ATG2A: variants seen among roughly 807,000 people sequenced by gnomAD.
The protein encoded by ATG2A is autophagy related 2A, also known as autophagy-related protein 2 homolog A.
ATG2A carries 103 observed loss-of-function variants against 214.2 expected under a neutral mutation model. The ratio of observed to expected loss-of-function variants is 0.48; its 90% CI spans 0.41 to 0.57. The LOEUF (loss-of-function observed/expected upper bound fraction) is 0.57, where lower values mean the gene tolerates loss of function less well. ATG2A is among the 20% of genes least tolerant of loss of function. The pLI, the probability that ATG2A is intolerant of heterozygous loss-of-function variation, is 0.00. For missense variants in ATG2A, 2,312 were observed against 2,613.2 expected, an observed-to-expected ratio of 0.88 and a Z score of 2.51; for synonymous variants, 1,160 against 1,142.1, an observed-to-expected ratio of 1.02 and a Z score of -0.32.
chr11:64,895,174 C>T lies in ATG2A; in HGVS notation c.5616G>A (p.Val1872=). 1.2e-6 allele frequency: 2 copies of T among 1,613,078 alleles called. No homozygotes were observed. The highest frequency in any genetic ancestry group is 1.7e-6 in the Non-Finnish European group (2 of 1,179,602). The change falls in exon 41 of 41, where the codon GTG becomes GTA. Residue 1872 remains valine (V), a synonymous_variant. Coordinates refer to ENST00000377264, the MANE Select transcript of ATG2A (RefSeq NM_015104.3). The surrounding 1 kb of genome is among the most constrained non-coding windows in gnomAD (Gnocchi z 5.0). ...CCTTCTGCTCATGGCCCCGCGATGC[C>T]ACGTCACAGATGGTCTGAGCTGTAT... The part of the protein sequence containing the change: ...ILDTAQTICD[V]ASRGHEQKGL...
At position 64,913,609 on chromosome 11, in the gene ATG2A, T is replaced by C; in HGVS notation, c.591-208A>G. 11 of 829,902 alleles carry C rather than the reference T, an allele frequency of 1.3e-5. No homozygotes were observed. Among genetic ancestry groups the C allele is most frequent in the Non-Finnish European group, 2.0e-5 (11 of 546,150 alleles). 51.4% of individuals were successfully genotyped at this position (829,902 alleles called of 1,614,324 possible). A position where few individuals can be genotyped will look rare whatever the true frequency, so the allele number is the denominator to read the frequency against. On this transcript the variant is annotated intron_variant, in intron 4 of 40. Coordinates refer to ENST00000377264, the MANE Select transcript of ATG2A (RefSeq NM_015104.3). This position sits in a 1 kb window ranked among gnomAD's most constrained non-coding sequence, Gnocchi z 4.3. ...AGACCCTCAGCATCTAACTTGGTTC[T>C]TGGGGCCTCGGCCACTCTGGGCCTG...
At chr11:64,916,606 C>A (rs931161167) in intron 1 of ATG2A, among the ~76,000 whole-genome samples, 11 of 152,132 alleles carry the variant, frequency 7.2e-5, no homozygotes, top group African/African-American at 2.4e-4. Flanking sequence ...TGTCACTGCC[C>A]TGGCCCAGCT....
In ATG2A at chr11:64,894,762, C is replaced by T. The variant is rs552312911; in HGVS notation, c.*211G>A. ...GGTCGGGGGAGGGGCAGTGTCCTTT[C>T]TCCCCGGAGGAAAAGTGCAGAGCCA... is the stretch of plus-strand genomic sequence containing the variant. On this transcript the variant is annotated 3_prime_UTR_variant, in exon 41 of 41. Coordinates refer to ENST00000377264, the MANE Select transcript of ATG2A (RefSeq NM_015104.3). The T allele has an allele frequency of 1.4e-6, 1 of 728,394 alleles. No homozygotes were observed. Among genetic ancestry groups the T allele is most frequent in the Admixed American group, 2.0e-5 (1 of 50,370 alleles). The allele number at this position is 728,394 out of a possible 1,614,324, so 45.1% of individuals were successfully genotyped here.
chr11:64,915,378 C>T (rs527950690), intron 1 of ATG2A, among the ~76,000 whole-genome samples: 1 of 152,284 alleles, frequency 6.6e-6, no homozygotes, highest in South Asian at 2.1e-4. Context: ...GTCCAAATTC[C>T]TCACCCAGAG....
At chr11:64,899,879 AAC>A (rs1565743005) in intron 31 of ATG2A, among the ~76,000 whole-genome samples, 1 of 147,414 alleles carries the variant, frequency 6.8e-6, no homozygotes, top group Non-Finnish European at 1.5e-5. Flanking sequence ...TTTTTTTTGA[AAC>A]AGAGTCTTAC....
chr11:64,900,612 G>A lies in ATG2A; in HGVS notation c.4346C>T (p.Ser1449Leu), dbSNP rs745429233. ...HPGHRARTGLSGPRSSPSRCS... is the reference protein window; with the variant it reads ...HPGHRARTGLLGPRSSPSRCS... ...GCGGGAAGGGGAGCTCCTGGGACCT[G>A]AGAGGCCAGTTCTTGCCCTGGGAAG... Residue 1449 changes from serine to leucine, a missense_variant, in exon 31 of 41, where the codon TCA becomes TTA. Transcript: ENST00000377264. The A allele has an allele frequency of 2.4e-5, 39 of 1,609,792 alleles. No individual in the cohort carries two copies. Among genetic ancestry groups the A allele is most frequent in the Non-Finnish European group, 3.3e-5 (39 of 1,178,046 alleles).
rs1944664735 is a variant in ATG2A at position 64,909,134 on chromosome 11, TCA to T, written c.2219_2220del (p.Val740GlufsTer28). On this transcript the variant is annotated frameshift_variant, in exon 16 of 41. Coordinates refer to ENST00000377264, the MANE Select transcript of ATG2A (RefSeq NM_015104.3). LOFTEE classifies it high-confidence loss of function. Reference protein sequence around the residue: ...KYFLPQVVVTVNPQSSSTQWE... With the variant: ...KYFLPQVVVTXNPQSSSTQWE... Reference sequence around the variant, plus strand: ...CACTGTGTGCTGCTGGACTGGGGGTTCACAGTCACCACTACCCTGCCGGGGCA... The same window carrying T: ...CACTGTGTGCTGCTGGACTGGGGGTTCAGTCACCACTACCCTGCCGGGGCA... The T allele has an allele frequency of 6.2e-7, 1 of 1,610,798 alleles. No individual in the cohort carries two copies. Among genetic ancestry groups the T allele is most frequent in the Non-Finnish European group, 8.5e-7 (1 of 1,178,768 alleles).
chr11:64,901,849 C>T lies in ATG2A; in HGVS notation c.4119+113G>A, dbSNP rs147177546. ...GGTGATGGCAACCACCTCCTGCCTG[C>T]TTCTCTCACCACGGGAGCTCCAGAT... On this transcript the variant is annotated intron_variant, in intron 29 of 40. Transcript: ENST00000377264. The T allele has an allele frequency of 2.5e-3, 3,105 of 1,263,654 alleles. 7 individuals carry two copies. The highest frequency in any genetic ancestry group is 3.1e-3 in the Non-Finnish European group (2,811 of 902,054). 78.3% of individuals were successfully genotyped at this position (1,263,654 alleles called of 1,614,324 possible).
At position 64,909,296 on chromosome 11, in the gene ATG2A, T is replaced by C. The variant is rs751813258; in HGVS notation, c.2179A>G (p.Thr727Ala). 1 of 1,613,686 alleles carries C rather than the reference T, an allele frequency of 6.2e-7. No homozygotes were observed. The highest frequency in any genetic ancestry group is 1.7e-4 in the Middle Eastern group (1 of 6,036). ...TGGGGCAGGAAGTACTTGCGCCCAG[T>C]GCTCTTGGGGTCCAGGGCTTTGGAG... ...RVSKALDPKS[T>A]GRKYFLPQVV... Residue 727 changes from threonine (T) to alanine (A), a missense_variant, in exon 15 of 41, where the codon ACT (threonine) becomes GCT (alanine). Thr to Ala is a moderately conservative substitution (Grantham distance 58). Transcript: ENST00000377264.
At chr11:64,911,425 T>A (rs917235778) in intron 9 of ATG2A, 150 bp from the exon 10 acceptor site, 19 of 780,414 alleles carry the variant, frequency 2.4e-5, no homozygotes, top group Non-Finnish European at 3.5e-5. Flanking sequence ...GGGGTGACAC[T>A]GGTGCCTCCA....
Position 64,895,240 on chromosome 11 carries a change from G to T in ATG2A, c.5581-31C>A. On this transcript the variant is annotated intron_variant, in intron 40 of 40. Coordinates refer to ENST00000377264, the MANE Select transcript of ATG2A (RefSeq NM_015104.3). This position sits in a 1 kb window ranked among gnomAD's most constrained non-coding sequence, Gnocchi z 5.0. Reference sequence around the variant, plus strand: ...GAAGCCAGAGGTCAGGGCGGGGTCTGTGTGAGGAGATGGGCATGGGGGACT... The same window carrying T: ...GAAGCCAGAGGTCAGGGCGGGGTCTTTGTGAGGAGATGGGCATGGGGGACT... 6.2e-7 allele frequency: 1 copy of T among 1,613,080 alleles called. No individual in the cohort carries two copies. The highest frequency in any genetic ancestry group is 2.2e-5 in the East Asian group (1 of 44,866).
At chr11:64,914,644 C>T (rs1009032910) in intron 1 of ATG2A, 144 bp from the exon 2 acceptor site, 22 of 1,108,034 alleles carry the variant, frequency 2.0e-5, no homozygotes, top group Non-Finnish European at 2.7e-5. Context: ...CCCACCTATG[C>T]TCATGCTGTC....
Position 64,912,128 on chromosome 11 carries a change from G to T in ATG2A, c.1044C>A (p.Ser348Arg), listed in dbSNP as rs1266514220. The T allele has an allele frequency of 3.1e-6, 5 of 1,613,788 alleles. No individual in the cohort carries two copies. The African/African-American group carries it at 6.7e-5, about 22-fold the overall frequency. ...LQAGAVAEPL[S>R]PDPLTNPLLN... ...GAAGGGGGTTGGTAAGGGGGTCTGG[G>T]CTGAGGGGCTCAGCCACTGCCCCTG... The change falls in exon 8 of 41, where the codon AGC (serine) becomes AGA (arginine). Residue 348 changes from serine to arginine, a missense_variant. Physicochemically the swap from Ser to Arg is moderately radical, Grantham distance 110 (BLOSUM62 -1). Transcript: ENST00000377264.
At position 64,898,819 on chromosome 11, in the gene ATG2A, G is replaced by A; in HGVS notation, c.4488C>T (p.Tyr1496=). 1 of 1,611,606 alleles carries A rather than the reference G, an allele frequency of 6.2e-7. No homozygotes were observed. Among genetic ancestry groups the A allele is most frequent in the Non-Finnish European group, 8.5e-7 (1 of 1,179,902 alleles). Residue 1496 remains tyrosine (Y), a synonymous_variant, in exon 32 of 41, where the codon TAC becomes TAT. Coordinates refer to ENST00000377264, the MANE Select transcript of ATG2A (RefSeq NM_015104.3). The surrounding 1 kb of genome is among the most constrained non-coding windows in gnomAD (Gnocchi z 4.5). ...CAGGGCCTGTGGCTGGCTCCGCTGG[G>A]TACACCTCGTGCTGGAAGCTTACCT... is the stretch of plus-strand genomic sequence containing the variant. ...LSKVSFQHEV[Y]PAEPATGPAA...
chr11:64,904,108 TG>T (rs2136577360), intron 24 of ATG2A, among the ~76,000 whole-genome samples: 1 of 151,554 alleles, frequency 6.6e-6, no homozygotes, highest in South Asian at 2.1e-4. Flanking sequence ...TAGCCGAGCA[TG>T]GTGGCGGGTG....
chr11:64,907,563 T>C lies in ATG2A; in HGVS notation c.2609A>G (p.His870Arg). Residue 870 changes from histidine to arginine, a missense_variant, in exon 18 of 41, where the codon CAC becomes CGC. His to Arg is a conservative substitution (Grantham distance 29). Transcript: ENST00000377264. ...TGACTTGCACATCTTAAAGCTGTCGTGCCAGAAGCCTGAGGGGCCGGGGAA... is the reference window on the plus strand; with the variant it reads ...TGACTTGCACATCTTAAAGCTGTCGCGCCAGAAGCCTGAGGGGCCGGGGAA... ...SGFPGPSGFW[H>R]DSFKMCKSAF... The C allele has an allele frequency of 6.8e-7, 1 of 1,465,192 alleles. No homozygotes were observed. The highest frequency in any genetic ancestry group is 1.5e-5 in the African/African-American group (1 of 67,110). The allele number at this position is 1,465,192 out of a possible 1,614,324, so 90.8% of individuals were successfully genotyped here. A position where few individuals can be genotyped will look rare whatever the true frequency, so the allele number is the denominator to read the frequency against.
rs867129752 is a variant in ATG2A, at chr11:64,900,927, G to T, written c.4285C>A (p.His1429Asn). 1 of 1,574,292 alleles carries T rather than the reference G, an allele frequency of 6.4e-7. No individual in the cohort carries two copies. The highest frequency in any genetic ancestry group is 1.2e-5 in the South Asian group (1 of 85,974). The change falls in exon 30 of 41, where the codon CAC becomes AAC. Residue 1429 changes from histidine (H) to asparagine (N), a missense_variant. Physicochemically the swap from His to Asn is moderately conservative, Grantham distance 68 (BLOSUM62 1). Transcript: ENST00000377264. ...CCAAAGTCTCGGCCCCCATAGAGGT[G>T]CCAGACGAGGGAGACCTCACGTAGC... ...VVLREVSLVW[H>N]LYGGRDFGPH...
chr11:64,915,455 CT>C (rs201759296), intron 1 of ATG2A, among the ~76,000 whole-genome samples: 2,376 of 152,264 alleles, frequency 0.016, 20 homozygotes, highest in Middle Eastern at 0.027. Context: ...ACAACAGGGA[CT>C]GAGACTGGGA....
At chr11:64,905,525 C>A in intron 24 of ATG2A, 38 bp downstream of exon 24, 2 of 1,580,196 alleles carry the variant, frequency 1.3e-6, no homozygotes, top group South Asian at 1.1e-5. Flanking sequence ...TTCGGCCCGG[C>A]GAGGGTGGGA....
Sources: allele counts gnomAD v4.1 joint callset (sites outside exome capture counted in the v4.1 genomes callset), GRCh38; gene constraint gnomAD v4.1.1; non-coding constraint Gnocchi (gnomAD v3.1); transcripts MANE v1.5; gene names NCBI Gene and HGNC (gene_info 2026-07-23, HGNC 2026-07-21).